Variants in INSC observed in about 807,000 individuals in gnomAD.
The protein encoded by INSC is INSC spindle orientation adaptor protein.
In INSC, 67 loss-of-function variants were observed where a neutral mutation model predicts 58.6. The observed-to-expected ratio is 1.14, with a 90% CI of 0.94 to 1.40. The LOEUF is 1.40. INSC is among the 40% of genes most tolerant of loss of function. The pLI is 0.00. For synonymous variants in INSC, 262 were observed against 276.1 expected (o/e 0.95, Z 0.51); for missense variants, 714 against 692.0 (o/e 1.03, Z -0.36).
chr11:15,114,287 G>A (rs1051028783), upstream of INSC, among the ~76,000 whole-genome samples: 3 of 151,848 alleles, frequency 2.0e-5, no homozygotes, highest in Admixed American at 6.6e-5. Flanking sequence ...CTTATGTGCC[G>A]AAGTTAGAAG....
At chr11:15,126,016 T>C (rs1343416727) in intron 1 of INSC, among the ~76,000 whole-genome samples, 1 of 152,100 alleles carries the variant, frequency 6.6e-6, no homozygotes, top group African/African-American at 2.4e-5. Context: ...AATATTGGGT[T>C]GTAATGCTAA....
rs531601519 is a variant in INSC at position 15,136,265 on chromosome 11, C to G, written c.-45-12865C>G. 1.8e-4 allele frequency among the ~76,000 whole-genome samples: 27 copies of G among 152,226 alleles called. No individual in the cohort carries two copies. The South Asian group carries it at 5.6e-3, about 32-fold the overall frequency. ...ATATATAATTAAAAATACTTTATTG[C>G]TGAAATGCTAATGATCATCTGAAGC... On this transcript the variant is annotated intron_variant, in intron 1 of 12. Transcript: ENST00000379556.
At chr11:15,219,656 C>A (rs1408503076) in intron 7 of INSC, among the ~76,000 whole-genome samples, 2 of 152,122 alleles carry the variant, frequency 1.3e-5, no homozygotes, top group Non-Finnish European at 2.9e-5. Flanking sequence ...GGTTTGGGTC[C>A]GACTGGTATT....
intron 2 of INSC, among the ~76,000 whole-genome samples, chr11:15,160,706 T>C (rs963010764): frequency 2.6e-5 from 4 of 152,218 alleles, no homozygotes; most frequent in African/African-American, 9.7e-5. Context: ...CTCTGAGTCA[T>C]TGAAGAGAAG....
the INSC span, among the ~76,000 whole-genome samples, chr11:15,266,750 G>A: frequency 6.6e-6 from 1 of 152,020 alleles, no homozygotes; most frequent in East Asian, 1.9e-4. Context: ...TCTGAAGAAA[G>A]GTATATTTTT....
chr11:15,266,646 A>T, the INSC span, among the ~76,000 whole-genome samples: 69 of 152,136 alleles, frequency 4.5e-4, no homozygotes, highest in Non-Finnish European at 2.9e-5. Context: ...CCAAGATTGT[A>T]GTTGTACCCA....
At chr11:15,139,745 T>A (rs939369598) in intron 1 of INSC, among the ~76,000 whole-genome samples, 2 of 152,248 alleles carry the variant, frequency 1.3e-5, no homozygotes, top group Non-Finnish European at 2.9e-5. Flanking sequence ...ACCTGGGCAG[T>A]TGACTCCTGA....
At chr11:15,148,810 T>G (rs2133746146) in intron 1 of INSC, among the ~76,000 whole-genome samples, 1 of 152,320 alleles carries the variant, frequency 6.6e-6, no homozygotes, top group Non-Finnish European at 1.5e-5. Context: ...TTAGTACAAG[T>G]ATGTCCTGTG....
intron 6 of INSC, among the ~76,000 whole-genome samples, chr11:15,199,417 C>T (rs370980253): frequency 4.6e-5 from 7 of 152,132 alleles, no homozygotes; most frequent in Admixed American, 1.3e-4. Flanking sequence ...ATGAAAAGGG[C>T]GCATGAGCCT....
chr11:15,165,233 A>G (rs2133795753), intron 2 of INSC, among the ~76,000 whole-genome samples: 1 of 152,270 alleles, frequency 6.6e-6, no homozygotes, highest in South Asian at 2.1e-4. Flanking sequence ...ATGCGCCACC[A>G]CTGCCATCTT....
intron 1 of INSC, among the ~76,000 whole-genome samples, chr11:15,123,090 T>C (rs1400317780): frequency 6.6e-6 from 1 of 152,134 alleles, no homozygotes; most frequent in Non-Finnish European, 1.5e-5. Context: ...CATAAATCTT[T>C]GTATTTGCTG....
chr11:15,229,968 A>T (rs1317549844), intron 9 of INSC, among the ~76,000 whole-genome samples: 2 of 14,696 alleles, frequency 1.4e-4, no homozygotes, highest in African/African-American at 3.0e-4. Context: ...ATTTATATAT[A>T]TATATATATA....
chr11:15,243,950 CTCTG>C (rs1478336458), intron 12 of INSC, among the ~76,000 whole-genome samples: 2 of 149,922 alleles, frequency 1.3e-5, no homozygotes, highest in African/African-American at 2.5e-5. Flanking sequence ...CCAAGTTCAT[CTCTG>C]TCTGTTTTAA....
At chr11:15,258,787 A>T in the INSC span, among the ~76,000 whole-genome samples, 5 of 152,284 alleles carry the variant, frequency 3.3e-5, no homozygotes, top group Admixed American at 2.6e-4. Context: ...CTTGAAATCA[A>T]ATTTAAGATC....
intron 1 of INSC, among the ~76,000 whole-genome samples, chr11:15,128,488 A>T (rs897853425): frequency 6.6e-6 from 1 of 152,212 alleles, no homozygotes; most frequent in Non-Finnish European, 1.5e-5. Flanking sequence ...AGAGGCCAAG[A>T]GAAGTTAAGT....
rs1193130188 is a variant in INSC, at chr11:15,175,767, T to G, written c.83T>G (p.Val28Gly). Residue 28 changes from valine (V) to glycine (G), a missense_variant, in exon 3 of 13, where the codon GTC becomes GGC. By Grantham distance (109) the Val-to-Gly change is moderately radical. Transcript: ENST00000379556. ...QRLHLMQVDS[V>G]QRWMEDLKLM... ...CTACACCTGATGCAGGTGGACTCAG[T>G]CCAGCGCTGGATGGAAGATCTGAAG... 1 of 1,585,468 alleles carries G rather than the reference T, an allele frequency of 6.3e-7. No homozygotes were observed. The highest frequency in any genetic ancestry group is 1.3e-5 in the African/African-American group (1 of 74,560).
chr11:15,261,016 C>T, the INSC span, among the ~76,000 whole-genome samples: 2 of 152,316 alleles, frequency 1.3e-5, no homozygotes, highest in African/African-American at 4.8e-5. Flanking sequence ...TCCTTTCATG[C>T]ATCAACTCTG....
intron 7 of INSC, among the ~76,000 whole-genome samples, chr11:15,202,469 T>A (rs1389765375): frequency 1.3e-5 from 2 of 151,796 alleles, no homozygotes; most frequent in Non-Finnish European, 2.9e-5. Context: ...TATGGCAAAA[T>A]AGAGGAGTGG....
chr11:15,215,241 A>T (rs1194679506), intron 7 of INSC, among the ~76,000 whole-genome samples: 8 of 152,232 alleles, frequency 5.3e-5, no homozygotes, highest in South Asian at 2.1e-4. Flanking sequence ...AATTATCTAT[A>T]AGTGCTTCCA....
Sources: gnomAD v4.1 joint callset for allele counts (sites outside exome capture counted in the v4.1 genomes callset) on GRCh38, gnomAD v4.1.1 for gene constraint, MANE v1.5 for transcripts, NCBI Gene and HGNC (gene_info 2026-07-23, HGNC 2026-07-21) for gene names.